Variants in HSDL2 observed in about 807,000 individuals in gnomAD.
HSDL2 encodes hydroxysteroid dehydrogenase-like protein 2.
In HSDL2, 27 loss-of-function variants were observed where a neutral mutation model predicts 46.3. The observed-to-expected ratio is 0.58, with a 90% CI of 0.43 to 0.80. HSDL2 has a LOEUF of 0.80. HSDL2 is among the 30% of genes least tolerant of loss of function. HSDL2 has a pLI of 0.00. For missense variants in HSDL2, 451 were observed against 502.7 expected (o/e 0.90, Z 0.98); for synonymous variants, 153 against 163.6 (o/e 0.94, Z 0.50).
Position 112,418,937 on chromosome 9 carries a change from A to C in HSDL2, c.577A>C (p.Asn193His). The C allele has an allele frequency of 6.3e-7, 1 of 1,595,584 alleles. No homozygotes were observed. The highest frequency in any genetic ancestry group is 1.7e-4 in the Middle Eastern group (1 of 5,980). Reference sequence around the variant, plus strand: ...AGAATTTAAAGGTGAAATTGCAGTCAATGCATTATGGCCTAAAACAGGTAT... The same window carrying C: ...AGAATTTAAAGGTGAAATTGCAGTCCATGCATTATGGCCTAAAACAGGTAT... ...AEEFKGEIAV[N>H]ALWPKTAIHT... Residue 193 changes from asparagine (N) to histidine (H), a missense_variant, in exon 6 of 11, where the codon AAT becomes CAT. By Grantham distance (68) the Asn-to-His change is moderately conservative (BLOSUM62 1). Coordinates refer to ENST00000398805, the MANE Select transcript of HSDL2 (RefSeq NM_032303.5).
intron 8 of HSDL2, among the ~76,000 whole-genome samples, chr9:112,449,204 A>G (rs1306862837): frequency 6.6e-6 from 1 of 150,434 alleles, no homozygotes; most frequent in Non-Finnish European, 1.5e-5. Context: ...CTCATGCCTC[A>G]GCCTCCTGAG....
rs66654056 is a variant in HSDL2 at position 112,386,628 on chromosome 9, AT to A, written c.17+6449del. Among the ~76,000 whole-genome samples, 149 of 150,126 alleles carry A rather than the reference AT, an allele frequency of 9.9e-4. 9 individuals are homozygous for A. Among genetic ancestry groups the A allele is most frequent in the Middle Eastern group, 3.5e-3 (1 of 288 alleles). Reference sequence around the variant, plus strand: ...AAGACTCTGTCTCTACCAAAAAAAAATAAAAATTAACCAAGCGTGGTGATGC... The same window carrying A: ...AAGACTCTGTCTCTACCAAAAAAAAAAAAAATTAACCAAGCGTGGTGATGC... On this transcript the variant is annotated intron_variant, in intron 1 of 10. Transcript: ENST00000398805.
intron 8 of HSDL2, among the ~76,000 whole-genome samples, chr9:112,450,237 C>T (rs1274883540): frequency 1.4e-5 from 2 of 145,750 alleles, no homozygotes; most frequent in Non-Finnish European, 3.0e-5. Flanking sequence ...CAAGACCGGC[C>T]TGGGCAACAT....
chr9:112,455,169 A>G (rs1347393431), intron 9 of HSDL2, among the ~76,000 whole-genome samples: 1 of 151,966 alleles, frequency 6.6e-6, no homozygotes, highest in Non-Finnish European at 1.5e-5. Flanking sequence ...GGAGATCAAG[A>G]CTGTAGTACA....
At chr9:112,429,235 T>A (rs1220214178) in intron 6 of HSDL2, among the ~76,000 whole-genome samples, 1 of 152,178 alleles carries the variant, frequency 6.6e-6, no homozygotes, top group East Asian at 1.9e-4. Flanking sequence ...TTCCAAACAT[T>A]CATTCTTACA....
intron 1 of HSDL2, among the ~76,000 whole-genome samples, chr9:112,393,058 G>A (rs962557833): frequency 2.0e-5 from 3 of 152,030 alleles, no homozygotes; most frequent in Non-Finnish European, 2.9e-5. Flanking sequence ...TGGTTTTGAC[G>A]CAGGATTCGT....
chr9:112,411,844 G>C (rs1053062647), intron 4 of HSDL2, among the ~76,000 whole-genome samples: 19 of 152,186 alleles, frequency 1.2e-4, no homozygotes, highest in African/African-American at 4.3e-4. Context: ...GCAACTTTGT[G>C]AAAGAATTTC....
chr9:112,411,086 C>T (rs897937643), intron 4 of HSDL2, among the ~76,000 whole-genome samples: 3 of 152,188 alleles, frequency 2.0e-5, no homozygotes, highest in Non-Finnish European at 4.4e-5. Flanking sequence ...TATCAACTGC[C>T]TCATCAGATG....
At chr9:112,410,097 G>A (rs766987782) in intron 4 of HSDL2, among the ~76,000 whole-genome samples, 5 of 151,700 alleles carry the variant, frequency 3.3e-5, no homozygotes, top group Non-Finnish European at 5.9e-5. Flanking sequence ...ACACTTTATT[G>A]TAACCAATAA....
chr9:112,410,532 G>A (rs1404936293), intron 4 of HSDL2, among the ~76,000 whole-genome samples: 1 of 152,230 alleles, frequency 6.6e-6, no homozygotes, highest in Non-Finnish European at 1.5e-5. Context: ...TTAAGTTAGA[G>A]TCCTGAATTT....
chr9:112,402,345 C>T (rs1831621067), intron 1 of HSDL2, among the ~76,000 whole-genome samples: 4 of 152,032 alleles, frequency 2.6e-5, no homozygotes. Flanking sequence ...TCACATAAGG[C>T]CAAGAGTTTG....
At chr9:112,449,059 A>T (rs926962109) in intron 8 of HSDL2, among the ~76,000 whole-genome samples, 1 of 149,690 alleles carries the variant, frequency 6.7e-6, no homozygotes, top group Non-Finnish European at 1.5e-5. Context: ...AAGTTTTCAA[A>T]CTGTTTTATC....
At chr9:112,383,384 T>C (rs1003511939) in intron 1 of HSDL2, among the ~76,000 whole-genome samples, 2 of 152,178 alleles carry the variant, frequency 1.3e-5, no homozygotes, top group Non-Finnish European at 2.9e-5. Flanking sequence ...GATCTTTTTA[T>C]AATTAGTTTT....
intron 6 of HSDL2, among the ~76,000 whole-genome samples, chr9:112,432,722 G>C (rs1303845034): frequency 6.6e-6 from 1 of 152,150 alleles, no homozygotes; most frequent in Non-Finnish European, 1.5e-5. Context: ...CCAATTTACA[G>C]TCATGTTCCT....
At chr9:112,438,393 G>T (rs373321453) in intron 6 of HSDL2, 38 bp from the exon 7 acceptor site, 13 of 1,295,444 alleles carry the variant, frequency 1.0e-5, no homozygotes, top group Middle Eastern at 2.0e-4. Flanking sequence ...ATTTGATTTG[G>T]AGTTATGAGT....
chr9:112,385,844 G>A (rs900786516), intron 1 of HSDL2, among the ~76,000 whole-genome samples: 3 of 151,932 alleles, frequency 2.0e-5, no homozygotes, highest in Non-Finnish European at 2.9e-5. Flanking sequence ...GGCCAGGCTG[G>A]TCTTGAGCTG....
intron 9 of HSDL2, among the ~76,000 whole-genome samples, chr9:112,457,254 C>T (rs1833060086): frequency 6.6e-6 from 1 of 152,150 alleles, no homozygotes; most frequent in Non-Finnish European, 1.5e-5. Context: ...TTCACAGCAG[C>T]AGGATTATAC....
At chr9:112,436,138 A>G (rs1322615338) in intron 6 of HSDL2, among the ~76,000 whole-genome samples, 1 of 144,772 alleles carries the variant, frequency 6.9e-6, no homozygotes, top group Non-Finnish European at 1.5e-5. Context: ...ATATGGTGGG[A>G]GGGTGAGGTA....
intron 7 of HSDL2, 82 bp downstream of exon 7, chr9:112,438,707 T>A: frequency 1.3e-6 from 1 of 793,722 alleles, no homozygotes; most frequent in Non-Finnish European, 2.0e-6. Flanking sequence ...TTGTGTGTGT[T>A]TGTGTGATTG....
Sources: allele counts gnomAD v4.1 joint callset (sites outside exome capture counted in the v4.1 genomes callset), GRCh38; gene constraint gnomAD v4.1.1; transcripts MANE v1.5; gene names NCBI Gene and HGNC (gene_info 2026-07-23, HGNC 2026-07-21).